PRLR: variants seen among roughly 807,000 people sequenced by gnomAD.
PRLR encodes the protein prolactin receptor.
A neutral mutation model predicts 40.2 loss-of-function variants in PRLR; 13 were observed. The ratio of observed to expected loss-of-function variants is 0.32; its 90% CI spans 0.21 to 0.51. The LOEUF is 0.51. Ranked by LOEUF, PRLR falls within the 20% of genes least tolerant of loss-of-function variation. The pLI is 0.97. For synonymous variants in PRLR, 269 were observed against 278.7 expected, an observed-to-expected ratio of 0.97 and a Z score of 0.35; for missense variants, 656 against 747.3, an observed-to-expected ratio of 0.88 and a Z score of 1.42.
chr5:35,091,325 A>G (rs1287168784), intron 2 of PRLR, among the ~76,000 whole-genome samples: 1 of 151,820 alleles, frequency 6.6e-6, no homozygotes, highest in Non-Finnish European at 1.5e-5. Context: ...GTGGTTAAAG[A>G]CTCCTACTGG....
Position 35,083,420 on chromosome 5 carries a change from A to ATC in PRLR, c.373+1048_373+1049dup, listed in dbSNP as rs374463454. Among the ~76,000 whole-genome samples, 1,032 of 143,154 alleles carry ATC rather than the reference A, an allele frequency of 7.2e-3. 7 individuals are homozygous for ATC. Among genetic ancestry groups the ATC allele is most frequent in the Non-Finnish European group, 0.012 (791 of 65,914 alleles). 93.9% of individuals were successfully genotyped at this position (143,154 alleles called of 152,430 possible). ...GCACCAGTAGATGCAGAGGTGATAAATCTCTCTCTCTCTCTCTTCCTCTCT... is the reference window on the plus strand; with the variant it reads ...GCACCAGTAGATGCAGAGGTGATAAATCTCTCTCTCTCTCTCTCTTCCTCTCT... On this transcript the variant is annotated intron_variant, in intron 5 of 9. Coordinates refer to ENST00000618457, the MANE Select transcript of PRLR (RefSeq NM_000949.7).
intron 1 of PRLR, among the ~76,000 whole-genome samples, chr5:35,205,363 C>G (rs959644043): frequency 6.6e-6 from 1 of 152,086 alleles, no homozygotes; most frequent in African/African-American, 2.4e-5. Context: ...CTAACATTAC[C>G]CATGTCACTG....
chr5:35,114,695 A>C (rs1280510250), intron 2 of PRLR, among the ~76,000 whole-genome samples: 2 of 152,054 alleles, frequency 1.3e-5, no homozygotes, highest in Non-Finnish European at 2.9e-5. Context: ...ATGTGAGTGA[A>C]ACTCTGAGTC....
chr5:35,208,466 T>G (rs1776080097), intron 1 of PRLR, among the ~76,000 whole-genome samples: 1 of 152,156 alleles, frequency 6.6e-6, no homozygotes, highest in African/African-American at 2.4e-5. Flanking sequence ...AATTGTAATC[T>G]CTAAGTGGCA....
chr5:35,105,744 G>C (rs1379868355), intron 2 of PRLR, among the ~76,000 whole-genome samples: 1 of 152,194 alleles, frequency 6.6e-6, no homozygotes, highest in Non-Finnish European at 1.5e-5. Context: ...CCAAATCTAT[G>C]TCTGATTGGT....
intron 2 of PRLR, among the ~76,000 whole-genome samples, chr5:35,101,936 T>A (rs1771907932): frequency 6.6e-6 from 1 of 151,786 alleles, no homozygotes; most frequent in Non-Finnish European, 1.5e-5. Context: ...CAAATGATTC[T>A]CCTGCCTCAA....
intron 1 of PRLR, among the ~76,000 whole-genome samples, chr5:35,176,328 T>C (rs574469452): frequency 6.6e-6 from 1 of 152,350 alleles, no homozygotes; most frequent in Admixed American, 6.5e-5. Context: ...CTTTTTTATT[T>C]TAAAAATTCA....
intron 2 of PRLR, among the ~76,000 whole-genome samples, chr5:35,106,942 C>T (rs1225886847): frequency 6.6e-6 from 1 of 152,168 alleles, no homozygotes; most frequent in African/African-American, 2.4e-5. Context: ...AGCACCACAT[C>T]GCACTTATTC....
intron 1 of PRLR, among the ~76,000 whole-genome samples, chr5:35,126,514 A>G (rs1773472563): frequency 6.6e-6 from 1 of 152,008 alleles, no homozygotes; most frequent in Admixed American, 6.6e-5. Context: ...TCTTTGTGTT[A>G]CTGTGTGTGA....
intron 6 of PRLR, among the ~76,000 whole-genome samples, chr5:35,071,048 G>A (rs1236700790): frequency 1.3e-5 from 2 of 152,020 alleles, no homozygotes; most frequent in Non-Finnish European, 2.9e-5. Context: ...CAATTCAGGG[G>A]CCAGTTTTAG....
downstream of PRLR, among the ~76,000 whole-genome samples, chr5:35,053,861 G>T (rs1768593265): frequency 6.6e-6 from 1 of 152,152 alleles, no homozygotes. Flanking sequence ...TTTTGAAGAA[G>T]GGTATGGTGG....
At chr5:35,211,806 T>C (rs903119674) in intron 1 of PRLR, among the ~76,000 whole-genome samples, 2 of 152,234 alleles carry the variant, frequency 1.3e-5, no homozygotes, top group Non-Finnish European at 2.9e-5. Context: ...TGATACCAGA[T>C]TCATAAAATA....
chr5:35,090,547 G>T (rs1368665726), intron 2 of PRLR, among the ~76,000 whole-genome samples: 1 of 151,894 alleles, frequency 6.6e-6, no homozygotes, highest in Non-Finnish European at 1.5e-5. Flanking sequence ...AGAAATGCAC[G>T]GCCTAAATTT....
intron 2 of PRLR, among the ~76,000 whole-genome samples, chr5:35,108,097 C>T (rs1388630068): frequency 6.6e-6 from 1 of 152,152 alleles, no homozygotes. Flanking sequence ...CGTAATCCAG[C>T]ATATAAACAG....
chr5:35,103,135 T>C (rs1026858118), intron 2 of PRLR, among the ~76,000 whole-genome samples: 22 of 152,358 alleles, frequency 1.4e-4, no homozygotes, highest in East Asian at 1.9e-4. Context: ...CTATTTACCT[T>C]GCTTCCTGGA....
intron 3 of PRLR, 150 bp downstream of exon 3, chr5:35,089,401 T>C (rs1414258140): frequency 1.6e-6 from 1 of 608,636 alleles, no homozygotes; most frequent in Non-Finnish European, 2.9e-6. Context: ...GCATTAACTT[T>C]AATGCAAAAT....
intron 1 of PRLR, among the ~76,000 whole-genome samples, chr5:35,216,800 T>C (rs1199760354): frequency 6.6e-6 from 1 of 152,228 alleles, no homozygotes; most frequent in African/African-American, 2.4e-5. Context: ...GTTTCAAAAG[T>C]TTAACCCACT....
chr5:35,192,186 T>C, intron 1 of PRLR, among the ~76,000 whole-genome samples: 1 of 152,198 alleles, frequency 6.6e-6, no homozygotes, highest in East Asian at 1.9e-4. Flanking sequence ...TGTTACATAA[T>C]TGGTGCTCAA....
chr5:35,081,778 AACAC>A (rs71974696), intron 5 of PRLR: 21,545 of 136,592 alleles, frequency 0.16, 2,772 homozygotes, highest in African/African-American at 0.34. Context: ...GCAATACACA[AACAC>A]ACACACACAC....
Sources: allele counts gnomAD v4.1 joint callset (sites outside exome capture counted in the v4.1 genomes callset), GRCh38; gene constraint gnomAD v4.1.1; transcripts MANE v1.5; gene names NCBI Gene and HGNC (gene_info 2026-07-23, HGNC 2026-07-21).